Variants in CUX2 observed in about 807,000 individuals in gnomAD.
CUX2 encodes cut like homeobox 2, also known as homeobox protein cut-like 2.
In CUX2, 40 loss-of-function variants were observed where a neutral mutation model predicts 144.8. The observed-to-expected ratio is 0.28, with a 90% CI of 0.21 to 0.36. CUX2 has a LOEUF of 0.36. Among genes scored for constraint, CUX2 ranks in the 10% least tolerant of loss-of-function variants. The pLI is 1.00. For synonymous variants in CUX2, 827 were observed against 875.6 expected (o/e 0.94, Z 0.98); for missense variants, 1,615 against 1,994.0 (o/e 0.81, Z 3.62).
chr12:111,233,518 G>A lies in CUX2; in HGVS notation c.222+15581G>A, dbSNP rs751167824. Among the ~76,000 whole-genome samples, 13 of 152,190 alleles carry A rather than the reference G, an allele frequency of 8.5e-5. No homozygotes were observed. In the East Asian group the frequency reaches 2.1e-3, roughly 25 times the overall value. On this transcript the variant is annotated intron_variant, in intron 3 of 21. Coordinates refer to ENST00000261726, the MANE Select transcript of CUX2 (RefSeq NM_015267.4). ...AAGATTAAAATCAACTGAATCCTAC[G>A]GCCCAGAACTGAGCAGAGGTCCTGC...
chr12:111,289,711 C>T lies in CUX2; in HGVS notation c.302-1707C>T. 6.6e-6 allele frequency among the ~76,000 whole-genome samples: 1 copy of T among 152,054 alleles called. No individual in the cohort carries two copies. The highest frequency in any genetic ancestry group is 1.9e-4 in the East Asian group (1 of 5,182). On this transcript the variant is annotated intron_variant, in intron 4 of 21. Transcript: ENST00000261726. This position sits in a 1 kb window ranked among gnomAD's most constrained non-coding sequence, Gnocchi z 4.1. ...GATTGGGGAATTGGTGGACATCTTA[C>T]ATCTAGATGTGTGTTTTGCCCCCGA...
Position 111,212,932 on chromosome 12 carries a change from A to G in CUX2, c.64-1268A>G, listed in dbSNP as rs139926028. Among the ~76,000 whole-genome samples, 247 of 152,318 alleles carry G rather than the reference A, an allele frequency of 1.6e-3. 1 individual carries two copies. Among genetic ancestry groups the G allele is most frequent in the African/African-American group, 5.8e-3 (243 of 41,558 alleles). The stretch of plus-strand genomic sequence containing the variant: ...TTTGCAGTGGGTTAATAGTACTTTT[A>G]TTTCATTATCTAATGGCAAAAGTGT... On this transcript the variant is annotated intron_variant, in intron 1 of 21. Coordinates refer to ENST00000261726, the MANE Select transcript of CUX2 (RefSeq NM_015267.4).
intron 1 of CUX2, among the ~76,000 whole-genome samples, chr12:111,122,646 C>T (rs891082817): frequency 1.3e-5 from 2 of 152,202 alleles, no homozygotes; most frequent in Admixed American, 6.5e-5. Flanking sequence ...GCAAGGCTGG[C>T]CCCCTAGTCT....
chr12:111,199,627 T>A (rs2136206319), intron 1 of CUX2, among the ~76,000 whole-genome samples: 1 of 152,318 alleles, frequency 6.6e-6, no homozygotes, highest in South Asian at 2.1e-4. Flanking sequence ...GGCCGGTCTG[T>A]CATGCTCAGG....
In CUX2 at chr12:111,320,257, G is replaced by A. The variant is rs761484769; in HGVS notation, c.2248G>A (p.Gly750Ser). The A allele has an allele frequency of 6.3e-7, 1 of 1,588,926 alleles. No homozygotes were observed. Among genetic ancestry groups the A allele is most frequent in the Non-Finnish European group, 8.5e-7 (1 of 1,175,138 alleles). The change falls in exon 17 of 22, where the codon GGC becomes AGC. Residue 750 changes from glycine (G) to serine (S), a missense_variant. By Grantham distance (56) the Gly-to-Ser change is moderately conservative. Transcript: ENST00000261726. The surrounding 1 kb of genome is among the most constrained non-coding windows in gnomAD (Gnocchi z 8.1). ...GAPALVKQEE[G>S]SGGPAQAPLP... ...CCCGGCCTTGGTGAAGCAGGAGGAGGGCAGCGGGGGCCCCGCGCAGGCGCC... is the reference window on the plus strand; with the variant it reads ...CCCGGCCTTGGTGAAGCAGGAGGAGAGCAGCGGGGGCCCCGCGCAGGCGCC...
chr12:111,327,416 G>A (rs1887871820), intron 18 of CUX2, among the ~76,000 whole-genome samples: 1 of 152,088 alleles, frequency 6.6e-6, no homozygotes, highest in South Asian at 2.1e-4. Flanking sequence ...TAGATCATAT[G>A]GTAACTCTTG....
intron 1 of CUX2, among the ~76,000 whole-genome samples, chr12:111,203,715 A>G (rs1251164646): frequency 2.0e-4 from 31 of 152,036 alleles, no homozygotes; most frequent in Non-Finnish European, 1.5e-5. Flanking sequence ...GGAACAGGAT[A>G]TGAGTTGGGT....
At chr12:111,319,355 T>A (rs74329398) in intron 16 of CUX2, among the ~76,000 whole-genome samples, 123 of 152,002 alleles carry the variant, frequency 8.1e-4, no homozygotes, top group Middle Eastern at 3.4e-3. Flanking sequence ...ATTTTTTTTT[T>A]AAAACAGAAC....
At chr12:111,099,525 TGGG>T (rs1454759068) in intron 1 of CUX2, 15 of 455,680 alleles carry the variant, frequency 3.3e-5, no homozygotes, top group Non-Finnish European at 6.6e-5. Flanking sequence ...TGTGGGGAGG[TGGG>T]GGTGGCCCCC....
At chr12:111,180,717 T>C (rs1327837495) in intron 1 of CUX2, among the ~76,000 whole-genome samples, 1 of 152,206 alleles carries the variant, frequency 6.6e-6, no homozygotes, top group Admixed American at 6.5e-5. Context: ...GCAGCTGTGG[T>C]GGCCCCATGC....
chr12:111,074,059 A>G (rs925054169), intron 1 of CUX2, among the ~76,000 whole-genome samples: 1 of 144,640 alleles, frequency 6.9e-6, no homozygotes, highest in Non-Finnish European at 1.5e-5. Context: ...AAAATCATAC[A>G]TTGTTTATCT....
chr12:111,124,110 C>T (rs1047197622), intron 1 of CUX2, among the ~76,000 whole-genome samples: 5 of 152,132 alleles, frequency 3.3e-5, no homozygotes, highest in African/African-American at 1.2e-4. Flanking sequence ...TTTTATTCCC[C>T]CAAAAGGAAA....
At chr12:111,250,846 T>C (rs924548183) in intron 3 of CUX2, among the ~76,000 whole-genome samples, 1 of 152,164 alleles carries the variant, frequency 6.6e-6, no homozygotes, top group Admixed American at 6.5e-5. Flanking sequence ...ACATAGATGC[T>C]TCCCAGAGCC....
intron 1 of CUX2, among the ~76,000 whole-genome samples, chr12:111,055,880 C>T (rs1870498721): frequency 6.6e-6 from 1 of 152,220 alleles, no homozygotes; most frequent in Non-Finnish European, 1.5e-5. Context: ...GAGAATCAAA[C>T]CACTTCGCTG....
chr12:111,325,293 CAAAAG>C (rs72389467), intron 18 of CUX2, among the ~76,000 whole-genome samples: 31,531 of 147,882 alleles, frequency 0.21, 4,248 homozygotes, highest in East Asian at 0.58. Context: ...GACTCCGTCT[CAAAAG>C]AAAAAAAAAA....
chr12:111,155,128 G>A (rs1202047193), intron 1 of CUX2, among the ~76,000 whole-genome samples: 1 of 152,208 alleles, frequency 6.6e-6, no homozygotes, highest in Non-Finnish European at 1.5e-5. Context: ...ATTAAGTTGA[G>A]TGATTAAAGA....
Position 111,312,131 on chromosome 12 carries a change from G to C in CUX2, c.1932G>C (p.Glu644Asp). ...GSITPRIRTP[E>D]TGSDDAIKSI... The stretch of plus-strand genomic sequence containing the variant: ...TCACCCCGAGAATCCGCACGCCTGA[G>C]ACAGGCTCAGACGACGCCATCAAGA... Residue 644 changes from glutamate (E) to aspartate (D), a missense_variant, in exon 16 of 22, where the codon GAG becomes GAC. Physicochemically the swap from Glu to Asp is conservative, Grantham distance 45. Around this residue, in one of 12 missense-constraint regions of CUX2, gnomAD observed 71 missense variants for 142.3 expected, o/e 0.50. Transcript: ENST00000261726. The surrounding 1 kb of genome is among the most constrained non-coding windows in gnomAD (Gnocchi z 4.3). 1 of 1,612,222 alleles carries C rather than the reference G, an allele frequency of 6.2e-7. No homozygotes were observed. The highest frequency in any genetic ancestry group is 8.5e-7 in the Non-Finnish European group (1 of 1,178,624).
intron 3 of CUX2, among the ~76,000 whole-genome samples, chr12:111,248,769 G>A (rs550158988): frequency 3.3e-5 from 5 of 152,304 alleles, no homozygotes; most frequent in African/African-American, 1.2e-4. Context: ...CCAGGTGGCC[G>A]CTGTCGATGG....
intron 8 of CUX2, among the ~76,000 whole-genome samples, chr12:111,297,232 G>C (rs1285797239): frequency 6.6e-6 from 1 of 151,232 alleles, no homozygotes; most frequent in Non-Finnish European, 1.5e-5. Flanking sequence ...TCCCAGACAC[G>C]CCTCCACCCT....
Sources: allele counts gnomAD v4.1 joint callset (sites outside exome capture counted in the v4.1 genomes callset), GRCh38; gene constraint gnomAD v4.1.1; regional missense constraint gnomAD v4.1.1; non-coding constraint Gnocchi (gnomAD v3.1); transcripts MANE v1.5; gene names NCBI Gene and HGNC (gene_info 2026-07-23, HGNC 2026-07-21).